Variants in KCNH8 observed in about 807,000 individuals in gnomAD.
KCNH8 encodes potassium voltage-gated channel subfamily H member 8, also known as voltage-gated delayed rectifier potassium channel KCNH8.
A neutral mutation model predicts 103.6 loss-of-function variants in KCNH8; 70 were observed. The observed-to-expected ratio is 0.68, with a 90% CI of 0.56 to 0.82. The LOEUF (loss-of-function observed/expected upper bound fraction) is 0.82, where lower values mean the gene tolerates loss of function less well. Among genes scored for constraint, KCNH8 ranks in the 40% least tolerant of loss-of-function variants. The pLI is 0.00. For missense variants in KCNH8, 1,217 were observed against 1,329.9 expected, an observed-to-expected ratio of 0.92 and a Z score of 1.32; for synonymous variants, 498 against 489.4, an observed-to-expected ratio of 1.02 and a Z score of -0.23.
intron 3 of KCNH8, among the ~76,000 whole-genome samples, chr3:19,311,237 C>T (rs1202026603): frequency 2.0e-5 from 3 of 151,684 alleles, no homozygotes. Context: ...AGGCACTATT[C>T]TAAGTACTTT....
At chr3:19,372,082 C>A in intron 5 of KCNH8, among the ~76,000 whole-genome samples, 1 of 152,142 alleles carries the variant, frequency 6.6e-6, no homozygotes. Context: ...TGAGGATTGA[C>A]TTGGCGATGC....
In KCNH8 at chr3:19,415,404, CTT is replaced by C. The variant is rs36068858; in HGVS notation, c.1177+20110_1177+20111del. ...TTGGGATTTTTACTTTCTCAATGAG[CTT>C]TTTTTTTTTTTTTTTTAAGATTTAT... On this transcript the variant is annotated intron_variant, in intron 7 of 15. Transcript: ENST00000328405. Among the ~76,000 whole-genome samples the C allele has an allele frequency of 4.9e-3, 592 of 120,756 alleles. 4 individuals are homozygous for C. Among genetic ancestry groups the C allele is most frequent in the South Asian group, 0.021 (76 of 3,694 alleles). 79.2% of individuals were successfully genotyped at this position (120,756 alleles called of 152,430 possible).
intron 2 of KCNH8, among the ~76,000 whole-genome samples, chr3:19,280,511 CT>C (rs1458980791): frequency 1.3e-5 from 2 of 152,046 alleles, no homozygotes; most frequent in African/African-American, 4.8e-5. Context: ...TAAACAAATT[CT>C]TATTGCATTC....
At chr3:19,210,503 A>G (rs1313332457) in intron 1 of KCNH8, among the ~76,000 whole-genome samples, 1 of 152,080 alleles carries the variant, frequency 6.6e-6, no homozygotes, top group East Asian at 1.9e-4. Context: ...GTAAGATGTA[A>G]GAGAATTCAT....
At chr3:19,348,083 G>A (rs1037501799) in intron 5 of KCNH8, 118 bp downstream of exon 5, 1 of 1,283,194 alleles carries the variant, frequency 7.8e-7, no homozygotes, top group Non-Finnish European at 1.1e-6. Context: ...TTCAGCCTCT[G>A]TTGCAAATTT....
chr3:19,181,564 C>T (rs897013687), intron 1 of KCNH8, among the ~76,000 whole-genome samples: 8 of 152,196 alleles, frequency 5.3e-5, no homozygotes, highest in South Asian at 4.1e-4. Flanking sequence ...CCTATGATTA[C>T]CATGAGCAAA....
intron 1 of KCNH8, among the ~76,000 whole-genome samples, chr3:19,207,202 G>A (rs2125222382): frequency 6.6e-6 from 1 of 152,006 alleles, no homozygotes; most frequent in Non-Finnish European, 1.5e-5. Context: ...AGATAATGAA[G>A]CATCAGGGGT....
chr3:19,501,009 A>G (rs148569103), intron 11 of KCNH8, among the ~76,000 whole-genome samples: 1 of 152,208 alleles, frequency 6.6e-6, no homozygotes, highest in African/African-American at 2.4e-5. Context: ...GAAAGGATCA[A>G]CAAAATTGAC....
intron 2 of KCNH8, among the ~76,000 whole-genome samples, chr3:19,269,010 A>G (rs1477060753): frequency 2.6e-5 from 4 of 152,140 alleles, no homozygotes; most frequent in Admixed American, 6.6e-5. Context: ...CTGACTTTTT[A>G]TACTTCGTTG....
intron 1 of KCNH8, among the ~76,000 whole-genome samples, chr3:19,227,696 C>G (rs1368515319): frequency 6.6e-6 from 1 of 152,140 alleles, no homozygotes; most frequent in Non-Finnish European, 1.5e-5. Context: ...GCTATAGATT[C>G]AGGGAAACAC....
intron 1 of KCNH8, among the ~76,000 whole-genome samples, chr3:19,180,608 A>G (rs938801765): frequency 1.2e-4 from 19 of 152,150 alleles, no homozygotes; most frequent in Non-Finnish European, 2.2e-4. Context: ...CAGGCATTCA[A>G]AATTGCTATT....
chr3:19,290,052 G>GTTA (rs915944991), intron 3 of KCNH8, among the ~76,000 whole-genome samples: 1 of 152,078 alleles, frequency 6.6e-6, no homozygotes, highest in African/African-American at 2.4e-5. Context: ...CTGTTTGTCT[G>GTTA]TTATTGGTGT....
At chr3:19,401,515 C>T (rs986274637) in intron 7 of KCNH8, among the ~76,000 whole-genome samples, 1 of 151,930 alleles carries the variant, frequency 6.6e-6, no homozygotes, top group Non-Finnish European at 1.5e-5. Context: ...TTCCAGAAGA[C>T]GCAAATCAAA....
intron 3 of KCNH8, among the ~76,000 whole-genome samples, chr3:19,329,761 C>A (rs2065479372): frequency 6.6e-6 from 1 of 151,996 alleles, no homozygotes; most frequent in Admixed American, 6.6e-5. Flanking sequence ...AAAAGAAATT[C>A]CGATTTGAAA....
At chr3:19,288,791 C>G (rs1436025291) in intron 3 of KCNH8, among the ~76,000 whole-genome samples, 10 of 152,158 alleles carry the variant, frequency 6.6e-5, no homozygotes, top group Admixed American at 3.3e-4. Flanking sequence ...TTCTAGATCC[C>G]TGAGAATTGC....
At chr3:19,294,274 A>G (rs1046074652) in intron 3 of KCNH8, among the ~76,000 whole-genome samples, 19 of 152,246 alleles carry the variant, frequency 1.2e-4, no homozygotes, top group African/African-American at 4.6e-4. Context: ...AGACATTAAG[A>G]GACTGATCAG....
At chr3:19,188,391 G>A (rs1408125259) in intron 1 of KCNH8, among the ~76,000 whole-genome samples, 3 of 151,924 alleles carry the variant, frequency 2.0e-5, no homozygotes, top group Non-Finnish European at 2.9e-5. Flanking sequence ...CATGCAACTC[G>A]GCAGTTGTAG....
In KCNH8 at chr3:19,347,773, G is replaced by A; in HGVS notation, c.619G>A (p.Ala207Thr). The A allele has an allele frequency of 6.2e-7, 1 of 1,613,122 alleles. No individual in the cohort carries two copies. The change falls in exon 5 of 16, where the codon GCA becomes ACA. Residue 207 changes from alanine (A) to threonine (T), a missense_variant. Around this residue, in one of 3 missense-constraint regions of KCNH8, gnomAD observed 244 missense variants for 256.8 expected, o/e 0.95. Coordinates refer to ENST00000328405, the MANE Select transcript of KCNH8 (RefSeq NM_144633.3). Reference protein sequence around the residue: ...PAFPEYKVSDAKKSKFILLHF... With the variant: ...PAFPEYKVSDTKKSKFILLHF... ...ATTTCCGGAGTATAAAGTTTCTGAT[G>A]CAAAAAAGTCCAAATTCATACTTCT...
chr3:19,398,840 A>G (rs975673840), intron 7 of KCNH8, among the ~76,000 whole-genome samples: 6 of 152,058 alleles, frequency 3.9e-5, no homozygotes, highest in Non-Finnish European at 8.8e-5. Flanking sequence ...AGGAAAGACC[A>G]TGAACTATGA....
Sources: allele counts gnomAD v4.1 joint callset (sites outside exome capture counted in the v4.1 genomes callset), GRCh38; gene constraint gnomAD v4.1.1; regional missense constraint gnomAD v4.1.1; transcripts MANE v1.5; gene names NCBI Gene and HGNC (gene_info 2026-07-23, HGNC 2026-07-21).